Variants in SOX6 observed in about 807,000 individuals in gnomAD.
SOX6 encodes transcription factor SOX-6.
SOX6 carries 11 observed loss-of-function variants against 97.8 expected under a neutral mutation model. The ratio of observed to expected loss-of-function variants is 0.11; its 90% CI spans 0.07 to 0.19. The LOEUF is 0.19. Among genes scored for constraint, SOX6 ranks in the 10% least tolerant of loss-of-function variants. SOX6 has a pLI of 1.00. For synonymous variants in SOX6, 360 were observed against 371.4 expected (o/e 0.97, Z 0.35); for missense variants, 810 against 1,039.5 (o/e 0.78, Z 3.04).
At chr11:16,680,747 T>G (rs988262900) in intron 3 of SOX6, among the ~76,000 whole-genome samples, 5 of 151,844 alleles carry the variant, frequency 3.3e-5, no homozygotes, top group Non-Finnish European at 5.9e-5. Flanking sequence ...AGGATCAAAA[T>G]AAAGGGATGG....
Position 16,024,081 on chromosome 11 carries a change from T to G in SOX6, c.1624-9031A>C, listed in dbSNP as rs1394797615. 2.0e-5 allele frequency among the ~76,000 whole-genome samples: 3 copies of G among 152,106 alleles called. No individual in the cohort carries two copies. In the East Asian group the frequency reaches 5.8e-4, roughly 29 times the overall value. On this transcript the variant is annotated intron_variant, in intron 12 of 15. Transcript: ENST00000683767. ...TCTTAGGGTGGGTCCTAATCCAATCTGACTGGTGTACTTATACGAAGGGTA... is the reference window on the plus strand; with the variant it reads ...TCTTAGGGTGGGTCCTAATCCAATCGGACTGGTGTACTTATACGAAGGGTA...
intron 2 of SOX6, among the ~76,000 whole-genome samples, chr11:16,340,417 A>G (rs1856592828): frequency 6.6e-6 from 1 of 152,210 alleles, no homozygotes; most frequent in Admixed American, 6.6e-5. Flanking sequence ...AAAGCTGGCT[A>G]ATACACTGCA....
At chr11:16,269,462 C>A (rs780425595) in intron 3 of SOX6, among the ~76,000 whole-genome samples, 1 of 150,098 alleles carries the variant, frequency 6.7e-6, no homozygotes, top group Non-Finnish European at 1.5e-5. Flanking sequence ...ATAAAAACTT[C>A]GGGGAATGTG....
At chr11:15,994,458 A>AG (rs5789932) in intron 13 of SOX6, among the ~76,000 whole-genome samples, 45 of 149,082 alleles carry the variant, frequency 3.0e-4, no homozygotes, top group Admixed American at 2.5e-3. Context: ...AAAGGGGAGT[A>AG]TAAGAGATGA....
At chr11:15,974,702 T>A (rs916542267) in intron 15 of SOX6, among the ~76,000 whole-genome samples, 1 of 152,064 alleles carries the variant, frequency 6.6e-6, no homozygotes, top group East Asian at 1.9e-4. Context: ...CTCCATGCCC[T>A]CCAGCCTGGC....
chr11:15,990,365 A>G (rs1348163041), intron 13 of SOX6, among the ~76,000 whole-genome samples: 2 of 151,994 alleles, frequency 1.3e-5, no homozygotes, highest in East Asian at 1.9e-4. Context: ...GTTTAAGGGT[A>G]GTTCTTTAAC....
At chr11:16,176,365 G>T (rs761764605) in intron 6 of SOX6, among the ~76,000 whole-genome samples, 15 of 151,842 alleles carry the variant, frequency 9.9e-5, no homozygotes, top group Admixed American at 3.9e-4. Context: ...CCAAGGTTGA[G>T]AACCACTAGC....
chr11:16,091,643 TCTC>T (rs1232324641), intron 9 of SOX6, among the ~76,000 whole-genome samples: 4 of 151,984 alleles, frequency 2.6e-5, no homozygotes, highest in African/African-American at 7.2e-5. Context: ...CTTCAATTGT[TCTC>T]CTCCATCTTT....
chr11:16,281,737 G>T (rs1049763386), intron 3 of SOX6, among the ~76,000 whole-genome samples: 11 of 151,554 alleles, frequency 7.3e-5, no homozygotes, highest in African/African-American at 2.7e-4. Context: ...ATTTAATGTT[G>T]TCACCTAGGT....
chr11:16,571,162 TA>T lies in SOX6; in HGVS notation n.609+40918del, dbSNP rs1847934355. Among the ~76,000 whole-genome samples, 2 of 152,120 alleles carry T rather than the reference TA, an allele frequency of 1.3e-5. 1 individual carries two copies. ...CCAATGTATTTTGTCATGCCAAAAA[TA>T]AAAACAAAACAAAAATTTTCAAAGG... On this transcript the variant is annotated intron_variant and non_coding_transcript_variant, in intron 4 of 5. Transcript: ENST00000524520.
intron 3 of SOX6, among the ~76,000 whole-genome samples, chr11:16,641,336 G>T (rs141693226): frequency 0.023 from 3,509 of 152,176 alleles, 144 homozygotes; most frequent in African/African-American, 0.08. Context: ...CAACTATGTG[G>T]TCAGTTTTGG....
rs541031921 is a variant in SOX6, at chr11:16,159,866, T to C, written c.777+24020A>G. 1.2e-4 allele frequency among the ~76,000 whole-genome samples: 19 copies of C among 152,238 alleles called. No individual in the cohort carries two copies. In the East Asian group the frequency reaches 2.7e-3, roughly 22 times the overall value. On this transcript the variant is annotated intron_variant, in intron 6 of 15. Coordinates refer to ENST00000683767, the MANE Select transcript of SOX6 (RefSeq NM_001367873.1). The stretch of plus-strand genomic sequence containing the variant: ...TCATTATTACCAAATGTATGTAAAG[T>C]GGCAGAATTTGGAGGACAAGTACTA...
At chr11:16,705,634 A>G (rs1187127408) in intron 3 of SOX6, among the ~76,000 whole-genome samples, 5 of 107,506 alleles carry the variant, frequency 4.7e-5, no homozygotes, top group Admixed American at 2.7e-4. Flanking sequence ...CTCTAGGGGG[A>G]AAAAAAACTA....
At chr11:16,133,822 G>T (rs979888867) in intron 6 of SOX6, among the ~76,000 whole-genome samples, 16 of 152,120 alleles carry the variant, frequency 1.1e-4, no homozygotes, top group Admixed American at 3.9e-4. Flanking sequence ...ATGAGTAGCT[G>T]GGATGACAGG....
At chr11:16,237,074 T>C (rs1017331638) in intron 3 of SOX6, among the ~76,000 whole-genome samples, 3 of 151,964 alleles carry the variant, frequency 2.0e-5, no homozygotes, top group Non-Finnish European at 4.4e-5. Context: ...CCTTTATCTA[T>C]AGGACAATGA....
chr11:16,473,708 C>T (rs985511645), intron 1 of SOX6, among the ~76,000 whole-genome samples: 2 of 151,982 alleles, frequency 1.3e-5, no homozygotes, highest in South Asian at 2.1e-4. Flanking sequence ...TGCACCACCA[C>T]GCCTGGCTAT....
chr11:16,355,796 A>T (rs1857055583), intron 1 of SOX6, among the ~76,000 whole-genome samples: 1 of 152,010 alleles, frequency 6.6e-6, no homozygotes. Context: ...AGGACCTTAG[A>T]TTATACAGAA....
chr11:16,266,888 T>C (rs1455996979), intron 3 of SOX6, among the ~76,000 whole-genome samples: 1 of 151,538 alleles, frequency 6.6e-6, no homozygotes, highest in Non-Finnish European at 1.5e-5. Flanking sequence ...AGCAAAATGA[T>C]AGACTTAAAT....
chr11:16,281,066 C>T (rs969725990), intron 3 of SOX6, among the ~76,000 whole-genome samples: 2 of 152,204 alleles, frequency 1.3e-5, no homozygotes, highest in Non-Finnish European at 2.9e-5. Flanking sequence ...AGAGGATAAA[C>T]TTCCTTGCAG....
Sources: gnomAD v4.1 joint callset for allele counts (sites outside exome capture counted in the v4.1 genomes callset) on GRCh38, gnomAD v4.1.1 for gene constraint, MANE v1.5 for transcripts, NCBI Gene and HGNC (gene_info 2026-07-23, HGNC 2026-07-21) for gene names.